The following EYA4 variants were observed in gnomAD, a reference collection of about 807,000 sequenced individuals.
EYA4 encodes EYA transcriptional coactivator and phosphatase 4.
In EYA4, 31 loss-of-function variants were observed where a neutral mutation model predicts 87.9. That is an observed-to-expected ratio of 0.35 (90% CI 0.27 to 0.48). The LOEUF (loss-of-function observed/expected upper bound fraction) is 0.48, where lower values mean the gene tolerates loss of function less well. Ranked by LOEUF, EYA4 falls within the 20% of genes least tolerant of loss-of-function variation. The pLI is 0.99. For missense variants in EYA4, 678 were observed against 761.4 expected (o/e 0.89, Z 1.29); for synonymous variants, 263 against 270.6 (o/e 0.97, Z 0.28).
At chr6:133,319,180 G>A (rs1780856196) in intron 2 of EYA4, among the ~76,000 whole-genome samples, 1 of 152,158 alleles carries the variant, frequency 6.6e-6, no homozygotes, top group South Asian at 2.1e-4. Context: ...AAGAGAAGAG[G>A]GAAGAATTCA....
chr6:133,399,883 G>C (rs1005702711), intron 3 of EYA4, among the ~76,000 whole-genome samples: 1 of 152,112 alleles, frequency 6.6e-6, no homozygotes, highest in African/African-American at 2.4e-5. Context: ...AATTAAATAA[G>C]AGAAAACACA....
Position 133,247,038 on chromosome 6 carries a change from G to A in EYA4, c.-66+5289G>A, listed in dbSNP as rs370100361. 13 of 152,188 alleles carry A rather than the reference G, an allele frequency of 8.5e-5. 1 individual carries two copies. The highest frequency in any genetic ancestry group is 5.9e-4 in the Admixed American group (9 of 15,280). 9.4% of individuals were successfully genotyped at this position (152,188 alleles called of 1,614,324 possible). On this transcript the variant is annotated intron_variant, in intron 1 of 19. Coordinates refer to ENST00000355286, the MANE Select transcript of EYA4 (RefSeq NM_004100.5). ...TGTTTTAATAATACTTATATTTTATGTAAGGATAACTAGATATTAGAAAAA... is the reference window on the plus strand; with the variant it reads ...TGTTTTAATAATACTTATATTTTATATAAGGATAACTAGATATTAGAAAAA...
chr6:133,513,319 TGCTTG>T (rs1360836234), intron 16 of EYA4, among the ~76,000 whole-genome samples: 1 of 152,200 alleles, frequency 6.6e-6, no homozygotes, highest in Non-Finnish European at 1.5e-5. Context: ...TATCAGCTGG[TGCTTG>T]GAGCATTATC....
intron 13 of EYA4, among the ~76,000 whole-genome samples, chr6:133,497,136 GATTGGTACTACC>G (rs1797712211): frequency 6.6e-6 from 1 of 152,112 alleles, no homozygotes; most frequent in African/African-American, 2.4e-5. Flanking sequence ...CTGTGTGATT[GATTGGTACTACC>G]ATACATAGCT....
intron 2 of EYA4, chr6:133,363,401 T>C (rs572377869): frequency 1.3e-5 from 2 of 152,308 alleles, no homozygotes; most frequent in South Asian, 2.1e-4. Flanking sequence ...AGCTCTGACG[T>C]TGAAACAGGT....
chr6:133,474,649 A>T (rs1359330080), intron 11 of EYA4, among the ~76,000 whole-genome samples: 1 of 152,166 alleles, frequency 6.6e-6, no homozygotes, highest in African/African-American at 2.4e-5. Flanking sequence ...TCTTTAAAGA[A>T]TTCTATGACC....
chr6:133,336,163 C>G (rs1393889131), intron 2 of EYA4, among the ~76,000 whole-genome samples: 1 of 152,096 alleles, frequency 6.6e-6, no homozygotes, highest in East Asian at 1.9e-4. Flanking sequence ...GTGTCATTAA[C>G]AGATGCTAAA....
intron 3 of EYA4, among the ~76,000 whole-genome samples, chr6:133,442,321 T>G (rs1030863900): frequency 2.0e-5 from 3 of 152,174 alleles, no homozygotes; most frequent in African/African-American, 7.2e-5. Flanking sequence ...CCTCTGGCAG[T>G]TAAGGTGAGG....
intron 3 of EYA4, among the ~76,000 whole-genome samples, chr6:133,391,119 A>G (rs940585222): frequency 1.6e-4 from 24 of 152,132 alleles, no homozygotes; most frequent in African/African-American, 4.1e-4. Context: ...TTAGCTTGCT[A>G]GTTGTTTTAG....
At chr6:133,249,556 T>C (rs75849318) in intron 1 of EYA4, among the ~76,000 whole-genome samples, 3 of 152,216 alleles carry the variant, frequency 2.0e-5, no homozygotes, top group East Asian at 3.9e-4. Context: ...CTCAGGTTGC[T>C]CTTCTCATCT....
At chr6:133,394,284 G>GTTTT (rs869103311) in intron 3 of EYA4, among the ~76,000 whole-genome samples, 290 of 17,830 alleles carry the variant, frequency 0.016, 45 homozygotes, top group African/African-American at 0.029. Flanking sequence ...ATAAGCTTGT[G>GTTTT]TTTTTTTTTT....
At chr6:133,401,210 G>A (rs2128515066) in intron 3 of EYA4, among the ~76,000 whole-genome samples, 1 of 152,274 alleles carries the variant, frequency 6.6e-6, no homozygotes, top group Non-Finnish European at 1.5e-5. Context: ...AGGATAGAGA[G>A]TAGATTGTAG....
At chr6:133,451,900 G>T (rs868237967) in intron 5 of EYA4, among the ~76,000 whole-genome samples, 18 of 152,172 alleles carry the variant, frequency 1.2e-4, no homozygotes, top group African/African-American at 3.4e-4. Context: ...CACATATAAT[G>T]AATTAGTATT....
intron 13 of EYA4, among the ~76,000 whole-genome samples, chr6:133,489,529 C>T (rs1429789233): frequency 6.6e-6 from 1 of 151,816 alleles, no homozygotes; most frequent in Non-Finnish European, 1.5e-5. Flanking sequence ...GAGGAACATA[C>T]AGTGGAGCTC....
chr6:133,351,517 C>G (rs965506100), intron 2 of EYA4, among the ~76,000 whole-genome samples: 1 of 152,196 alleles, frequency 6.6e-6, no homozygotes, highest in African/African-American at 2.4e-5. Flanking sequence ...TTCCAGAACT[C>G]TATCTGACTG....
chr6:133,409,214 TAG>T (rs1469004653), intron 3 of EYA4, among the ~76,000 whole-genome samples: 1 of 152,190 alleles, frequency 6.6e-6, no homozygotes. Context: ...CAGCCCCACA[TAG>T]AGATGTATGC....
chr6:133,396,714 G>T (rs1464770202), intron 3 of EYA4, among the ~76,000 whole-genome samples: 5 of 152,150 alleles, frequency 3.3e-5, no homozygotes, highest in African/African-American at 1.2e-4. Context: ...GTGTGTTTGT[G>T]TGTGTGTCTG....
chr6:133,433,567 G>T (rs1263786896), intron 3 of EYA4, among the ~76,000 whole-genome samples: 1 of 152,180 alleles, frequency 6.6e-6, no homozygotes, highest in Non-Finnish European at 1.5e-5. Context: ...TGTTGGCCAG[G>T]ATGGTCTCCA....
At chr6:133,481,064 A>G (rs1796177714) in intron 11 of EYA4, among the ~76,000 whole-genome samples, 1 of 152,036 alleles carries the variant, frequency 6.6e-6, no homozygotes, top group Non-Finnish European at 1.5e-5. Flanking sequence ...CTAATGAAGC[A>G]TGACTTCCTA....
Sources: allele counts gnomAD v4.1 joint callset (sites outside exome capture counted in the v4.1 genomes callset), GRCh38; gene constraint gnomAD v4.1.1; transcripts MANE v1.5; gene names NCBI Gene and HGNC (gene_info 2026-07-23, HGNC 2026-07-21).